The following TRHDE variants were observed in gnomAD, a reference collection of about 807,000 sequenced individuals.
TRHDE encodes the protein thyrotropin releasing hormone degrading enzyme, also known as thyrotropin-releasing hormone-degrading ectoenzyme.
TRHDE carries 72 observed loss-of-function variants against 125.7 expected under a neutral mutation model. The ratio of observed to expected loss-of-function variants is 0.57; its 90% confidence interval spans 0.47 to 0.70. TRHDE has a LOEUF of 0.70. TRHDE is among the 30% of genes least tolerant of loss of function. The pLI is 0.00. For synonymous variants in TRHDE, 509 were observed against 509.1 expected (o/e 1.00, Z 0.00); for missense variants, 1,110 against 1,327.1 (o/e 0.84, Z 2.54).
chr12:72,578,314 G>A (rs1006533719), intron 12 of TRHDE, among the ~76,000 whole-genome samples: 8 of 152,086 alleles, frequency 5.3e-5, no homozygotes. Context: ...ACAGCTTTTG[G>A]AGCAGGGGTG....
At chr12:72,293,622 C>T (rs1351622815) in intron 2 of TRHDE, among the ~76,000 whole-genome samples, 2 of 152,168 alleles carry the variant, frequency 1.3e-5, no homozygotes, top group East Asian at 3.9e-4. Flanking sequence ...ATTATTAATT[C>T]CCAAACTCAT....
chr12:72,363,768 C>A (rs1871223931), intron 2 of TRHDE, among the ~76,000 whole-genome samples: 1 of 151,984 alleles, frequency 6.6e-6, no homozygotes, highest in Non-Finnish European at 1.5e-5. Flanking sequence ...AAGTTCTAGC[C>A]AGGGCAATGA....
chr12:72,596,515 T>C (rs577876073), intron 12 of TRHDE, among the ~76,000 whole-genome samples: 13 of 152,312 alleles, frequency 8.5e-5, no homozygotes, highest in Admixed American at 3.9e-4. Flanking sequence ...CATTTTATAA[T>C]ACATTGGTCT....
chr12:72,637,159 T>G (rs888865652), intron 15 of TRHDE, among the ~76,000 whole-genome samples: 2,297 of 152,264 alleles, frequency 0.015, 29 homozygotes, highest in Non-Finnish European at 0.021. Context: ...GGTAAGCTAT[T>G]GATTATTGCC....
At chr12:72,480,705 C>A (rs1047486175) in intron 5 of TRHDE, among the ~76,000 whole-genome samples, 2 of 152,080 alleles carry the variant, frequency 1.3e-5, no homozygotes, top group Non-Finnish European at 2.9e-5. Flanking sequence ...CATCCTTTCT[C>A]ATATCTAGAA....
chr12:72,335,098 T>A (rs1246180322), intron 2 of TRHDE, among the ~76,000 whole-genome samples: 1 of 152,152 alleles, frequency 6.6e-6, no homozygotes, highest in Non-Finnish European at 1.5e-5. Context: ...AACTGGAAAC[T>A]GTGTCAAGGG....
chr12:72,341,834 TAA>T (rs2135730826), intron 2 of TRHDE, among the ~76,000 whole-genome samples: 1 of 152,266 alleles, frequency 6.6e-6, no homozygotes, highest in Admixed American at 6.5e-5. Flanking sequence ...CTGGTGTTTA[TAA>T]AGACAGTTCT....
Position 72,559,896 on chromosome 12 carries a change from A to G in TRHDE, c.1789-2269A>G, listed in dbSNP as rs77298852. On this transcript the variant is annotated intron_variant, in intron 7 of 18. Coordinates refer to ENST00000261180, the MANE Select transcript of TRHDE (RefSeq NM_013381.3). Reference sequence around the variant, plus strand: ...ATGGAAATCTCCCTACACAAATCACATCTCAGTATTTGTAGTTGTTCTCAG... The same window carrying G: ...ATGGAAATCTCCCTACACAAATCACGTCTCAGTATTTGTAGTTGTTCTCAG... Among the ~76,000 whole-genome samples, 311 of 152,292 alleles carry G rather than the reference A, an allele frequency of 2.0e-3. 9 individuals carry two copies. In the East Asian group the frequency reaches 0.055, roughly 27 times the overall value.
intron 2 of TRHDE, among the ~76,000 whole-genome samples, chr12:72,359,855 G>C (rs184009881): frequency 6.6e-6 from 1 of 151,802 alleles, no homozygotes; most frequent in Non-Finnish European, 1.5e-5. Context: ...GGTCTTACAA[G>C]GCTTCAGGAT....
chr12:72,537,034 T>C (rs1041466304), intron 6 of TRHDE, among the ~76,000 whole-genome samples: 5 of 152,068 alleles, frequency 3.3e-5, no homozygotes, highest in Admixed American at 2.0e-4. Context: ...TCGTTTAAAT[T>C]ATTGATTTTG....
At chr12:72,390,683 T>A (rs1257734891) in intron 3 of TRHDE, among the ~76,000 whole-genome samples, 1 of 152,212 alleles carries the variant, frequency 6.6e-6, no homozygotes. Context: ...TTTCAGACCT[T>A]ACCATTGTAA....
In TRHDE at chr12:72,654,384, C is replaced by T. The variant is rs182058295; in HGVS notation, c.2984+1228C>T. On this transcript the variant is annotated intron_variant, in intron 17 of 18. Coordinates refer to ENST00000261180, the MANE Select transcript of TRHDE (RefSeq NM_013381.3). Reference sequence around the variant, plus strand: ...GGAGCATAATCTTCACTGGCTCCTGCTCCTCTGTCGATTTTTTGAATGCTG... The same window carrying T: ...GGAGCATAATCTTCACTGGCTCCTGTTCCTCTGTCGATTTTTTGAATGCTG... Among the ~76,000 whole-genome samples the T allele has an allele frequency of 9.2e-5, 14 of 152,240 alleles. No individual in the cohort carries two copies. In the East Asian group the frequency reaches 2.7e-3, roughly 29 times the overall value.
In TRHDE at chr12:72,104,905, T is replaced by A. The variant is rs1446443537; in HGVS notation, n.175-743T>A. 4.6e-5 allele frequency among the ~76,000 whole-genome samples: 7 copies of A among 152,180 alleles called. No individual in the cohort carries two copies. The South Asian group carries it at 1.4e-3, about 31-fold the overall frequency. On this transcript the variant is annotated intron_variant and non_coding_transcript_variant, in intron 1 of 4. Transcript: ENST00000548156. Reference sequence around the variant, plus strand: ...TATTTCCACTTCACATCTCTCATCTTTGCCTCTCTCTGTGCTCCCTTTATT... The same window carrying A: ...TATTTCCACTTCACATCTCTCATCTATGCCTCTCTCTGTGCTCCCTTTATT...
At chr12:72,174,264 G>A (rs1662067651) in intron 2 of TRHDE, among the ~76,000 whole-genome samples, 1 of 152,082 alleles carries the variant, frequency 6.6e-6, no homozygotes, top group Admixed American at 6.6e-5. Context: ...TATAATTTCA[G>A]CTGAACCCAC....
At chr12:72,568,811 A>G (rs1267724877) in intron 10 of TRHDE, among the ~76,000 whole-genome samples, 155 bp downstream of exon 10, 1 of 152,200 alleles carries the variant, frequency 6.6e-6, no homozygotes, top group Non-Finnish European at 1.5e-5. Flanking sequence ...TAGATATAGT[A>G]TAGTTTCTAA....
At chr12:72,603,591 G>A (rs1370341608) in intron 12 of TRHDE, among the ~76,000 whole-genome samples, 2 of 152,088 alleles carry the variant, frequency 1.3e-5, no homozygotes, top group Admixed American at 6.6e-5. Context: ...CGGGCGTGGT[G>A]GCAGGCGCCT....
chr12:72,400,313 A>C (rs1872984711), intron 3 of TRHDE, among the ~76,000 whole-genome samples: 1 of 152,148 alleles, frequency 6.6e-6, no homozygotes, highest in Admixed American at 6.5e-5. Flanking sequence ...ATTACATGGC[A>C]ATGTGAGAAA....
At chr12:72,537,052 G>A (rs548600694) in intron 6 of TRHDE, among the ~76,000 whole-genome samples, 11 of 152,028 alleles carry the variant, frequency 7.2e-5, no homozygotes, top group Middle Eastern at 3.2e-3. Flanking sequence ...TTGGAGGTGG[G>A]TATAAGTGGG....
At chr12:72,210,170 T>TTATCTATC (rs1877746862) in intron 2 of TRHDE, among the ~76,000 whole-genome samples, 2 of 73,956 alleles carry the variant, frequency 2.7e-5, no homozygotes, top group Non-Finnish European at 5.3e-5. Context: ...TCTATAAGAT[T>TTATCTATC]GATCTATCTA....
Sources: allele counts gnomAD v4.1 joint callset (sites outside exome capture counted in the v4.1 genomes callset), GRCh38; gene constraint gnomAD v4.1.1; transcripts MANE v1.5; gene names NCBI Gene and HGNC (gene_info 2026-07-23, HGNC 2026-07-21).